IGSF10: variants seen among roughly 807,000 people sequenced by gnomAD.
The protein encoded by IGSF10 is immunoglobulin superfamily member 10, also known as calvaria mechanical force protein 608.
In IGSF10, 126 loss-of-function variants were observed where a neutral mutation model predicts 128.2. The observed-to-expected ratio is 0.98, with a 90% confidence interval of 0.85 to 1.14. IGSF10 has a LOEUF of 1.14. Ranked by LOEUF, IGSF10 falls within the 50% of genes most tolerant of loss-of-function variation. IGSF10 has a pLI of 0.00. For synonymous variants in IGSF10, 1,185 were observed against 1,146.2 expected (o/e 1.03, Z -0.68); for missense variants, 3,295 against 3,149.8 (o/e 1.05, Z -1.10).
At chr3:151,502,389 A>C in the IGSF10 span, among the ~76,000 whole-genome samples, 1 of 152,026 alleles carries the variant, frequency 6.6e-6, no homozygotes, top group Admixed American at 6.6e-5. Context: ...TGGGTAAAGA[A>C]AAGAGCCTAT....
chr3:151,510,124 G>A, the IGSF10 span, among the ~76,000 whole-genome samples: 3 of 152,356 alleles, frequency 2.0e-5, no homozygotes, highest in South Asian at 2.1e-4. Context: ...TTTGAAGAGA[G>A]TAGTGGTTCT....
chr3:151,479,268 A>G, the IGSF10 span, among the ~76,000 whole-genome samples: 1 of 152,108 alleles, frequency 6.6e-6, no homozygotes, highest in Non-Finnish European at 1.5e-5. Flanking sequence ...CCAAGTCTTA[A>G]TGAGAAAAAT....
chr3:151,524,235 G>C, the IGSF10 span, among the ~76,000 whole-genome samples: 1 of 152,034 alleles, frequency 6.6e-6, no homozygotes, highest in Non-Finnish European at 1.5e-5. Context: ...TCCTGAAAGA[G>C]CTAAAAGTAG....
At chr3:151,495,722 G>GGA in the IGSF10 span, among the ~76,000 whole-genome samples, 1 of 151,998 alleles carries the variant, frequency 6.6e-6, no homozygotes, top group Non-Finnish European at 1.5e-5. Flanking sequence ...TAGCCAGAGG[G>GGA]GAGAAGGGGA....
chr3:151,527,775 C>T, the IGSF10 span, among the ~76,000 whole-genome samples: 1 of 148,944 alleles, frequency 6.7e-6, no homozygotes, highest in African/African-American at 2.5e-5. Flanking sequence ...CATGGTGACA[C>T]CCTGTCTCTA....
the IGSF10 span, among the ~76,000 whole-genome samples, chr3:151,617,185 TCCTCCTC>T: frequency 8.2e-6 from 1 of 121,774 alleles, no homozygotes; most frequent in Admixed American, 8.8e-5. Context: ...CTCCTCTGCC[TCCTCCTC>T]CTTCTTTCCT....
At chr3:151,459,411 ATC>A (rs1462569441) in intron 2 of IGSF10, among the ~76,000 whole-genome samples, 5 of 152,160 alleles carry the variant, frequency 3.3e-5, no homozygotes, top group African/African-American at 1.2e-4. Context: ...GGGAGAATAA[ATC>A]TCTTTCTAAC....
At chr3:151,526,394 T>C in the IGSF10 span, among the ~76,000 whole-genome samples, 4 of 135,188 alleles carry the variant, frequency 3.0e-5, no homozygotes, top group African/African-American at 1.0e-4. Context: ...AGCGTTAATG[T>C]CATAATCTCA....
At chr3:151,436,064 G>T (rs993422475), downstream of IGSF10, 2 of 152,134 alleles carry the variant, frequency 1.3e-5, no homozygotes, top group East Asian at 3.9e-4. Context: ...TGATGTGCAG[G>T]TATTACATTG....
At chr3:151,517,881 G>C in the IGSF10 span, among the ~76,000 whole-genome samples, 2 of 151,860 alleles carry the variant, frequency 1.3e-5, no homozygotes, top group African/African-American at 4.8e-5. Context: ...TCCAGCATAA[G>C]GAGGTACCCT....
At chr3:151,563,366 C>T in the IGSF10 span, among the ~76,000 whole-genome samples, 1 of 152,260 alleles carries the variant, frequency 6.6e-6, no homozygotes, top group East Asian at 1.9e-4. Context: ...AATGTCCTAA[C>T]TTGGGCCTTC....
chr3:151,566,054 A>T, the IGSF10 span: 7 of 153,480 alleles, frequency 4.6e-5, no homozygotes, highest in Non-Finnish European at 8.8e-5. Flanking sequence ...CAACTGAGGC[A>T]GTGCCAATGT....
the IGSF10 span, among the ~76,000 whole-genome samples, chr3:151,615,601 G>A: frequency 3.3e-5 from 5 of 152,140 alleles, no homozygotes; most frequent in African/African-American, 1.2e-4. Context: ...CAGTGCGGAA[G>A]TAGGAAAAAT....
downstream of IGSF10, chr3:151,436,189 C>G (rs1476506492): frequency 6.5e-6 from 1 of 152,966 alleles, no homozygotes; most frequent in African/African-American, 2.4e-5. Context: ...AATCATAAGA[C>G]AGTTCAGTGC....
chr3:151,539,813 T>A, the IGSF10 span, among the ~76,000 whole-genome samples: 8 of 143,488 alleles, frequency 5.6e-5, no homozygotes, highest in Admixed American at 3.5e-4. Context: ...TCTATCTATC[T>A]ATCATCTATC....
the IGSF10 span, among the ~76,000 whole-genome samples, chr3:151,518,048 G>A: frequency 2.0e-4 from 31 of 151,930 alleles, no homozygotes; most frequent in African/African-American, 7.5e-4. Context: ...CAAATTGAGA[G>A]GATGACCAAA....
At chr3:151,619,733 T>C in the IGSF10 span, among the ~76,000 whole-genome samples, 1 of 152,040 alleles carries the variant, frequency 6.6e-6, no homozygotes, top group African/African-American at 2.4e-5. Context: ...TGGGAGGTGA[T>C]TGGGTTATTG....
the IGSF10 span, among the ~76,000 whole-genome samples, chr3:151,581,906 A>G: frequency 6.6e-6 from 1 of 152,060 alleles, no homozygotes; most frequent in African/African-American, 2.4e-5. Context: ...GTCTGTCTCC[A>G]CTAAAAATAC....
chr3:151,512,492 T>C, the IGSF10 span, among the ~76,000 whole-genome samples: 13 of 152,148 alleles, frequency 8.5e-5, no homozygotes, highest in Non-Finnish European at 1.9e-4. Context: ...TAGCATTGAA[T>C]GCCCACAAGA....
Sources: allele counts gnomAD v4.1 joint callset (sites outside exome capture counted in the v4.1 genomes callset), GRCh38; gene constraint gnomAD v4.1.1; transcripts MANE v1.5; gene names NCBI Gene and HGNC (gene_info 2026-07-23, HGNC 2026-07-21).